Variants in CAMKMT observed in about 807,000 individuals in gnomAD.
CAMKMT encodes the protein CaM KMT.
Under a neutral mutation model 48.0 loss-of-function variants are expected in CAMKMT, and 53 were observed. The observed-to-expected ratio is 1.10, with a 90% CI of 0.89 to 1.39. CAMKMT has a LOEUF of 1.39. Among genes scored for constraint, CAMKMT ranks in the 40% most tolerant of loss-of-function variants. The probability of loss-of-function intolerance (pLI) is 0.00; values close to 1 mark genes in which losing one functional copy is unlikely to be tolerated. For synonymous variants in CAMKMT, 165 were observed against 152.3 expected (o/e 1.08, Z -0.61); for missense variants, 428 against 402.7 (o/e 1.06, Z -0.54).
intron 3 of CAMKMT, among the ~76,000 whole-genome samples, chr2:44,448,087 A>G (rs567270341): frequency 6.6e-6 from 1 of 152,276 alleles, no homozygotes; most frequent in Non-Finnish European, 1.5e-5. Context: ...AGTTTGTTGC[A>G]TCTGGTGAAT....
intron 3 of CAMKMT, among the ~76,000 whole-genome samples, chr2:44,467,530 A>G (rs192276473): frequency 1.4e-5 from 2 of 143,104 alleles, no homozygotes; most frequent in Non-Finnish European, 3.1e-5. Context: ...CAAGAGCGAA[A>G]CTCTGTCTCA....
chr2:44,568,815 G>A (rs2103727300), intron 3 of CAMKMT, among the ~76,000 whole-genome samples: 1 of 152,300 alleles, frequency 6.6e-6, no homozygotes, highest in South Asian at 2.1e-4. Flanking sequence ...TTAGAATAGG[G>A]TGTGGGTTCT....
intron 3 of CAMKMT, among the ~76,000 whole-genome samples, chr2:44,473,857 G>A (rs1365608106): frequency 6.6e-6 from 1 of 152,150 alleles, no homozygotes; most frequent in Non-Finnish European, 1.5e-5. Context: ...TTATTACTGG[G>A]ATACCCGTCA....
chr2:44,735,326 G>C (rs986754232), intron 7 of CAMKMT, among the ~76,000 whole-genome samples: 1 of 152,158 alleles, frequency 6.6e-6, no homozygotes, highest in Non-Finnish European at 1.5e-5. Flanking sequence ...TAATTGGAGC[G>C]TTCAGACCAT....
At chr2:44,406,021 A>G (rs1682754185) in intron 3 of CAMKMT, among the ~76,000 whole-genome samples, 2 of 152,204 alleles carry the variant, frequency 1.3e-5, no homozygotes, top group African/African-American at 2.4e-5. Context: ...AACAGACCAT[A>G]TTTAACTTGG....
At chr2:44,580,134 G>A (rs1669469540) in intron 3 of CAMKMT, among the ~76,000 whole-genome samples, 4 of 151,994 alleles carry the variant, frequency 2.6e-5, no homozygotes. Context: ...TTCCATTTCT[G>A]TGTTTTAAGA....
intron 3 of CAMKMT, among the ~76,000 whole-genome samples, chr2:44,669,230 C>T (rs569795204): frequency 6.6e-6 from 1 of 152,044 alleles, no homozygotes; most frequent in Non-Finnish European, 1.5e-5. Flanking sequence ...ATGTTGCTCA[C>T]CTTTAGATTT....
intron 3 of CAMKMT, among the ~76,000 whole-genome samples, chr2:44,605,215 G>C (rs1211468869): frequency 1.3e-5 from 2 of 152,154 alleles, no homozygotes; most frequent in Admixed American, 6.5e-5. Context: ...GGAAATCAAG[G>C]TTGAGAAATT....
intron 3 of CAMKMT, among the ~76,000 whole-genome samples, chr2:44,470,356 T>TA (rs1668349580): frequency 1.3e-5 from 2 of 152,210 alleles, no homozygotes; most frequent in Admixed American, 6.5e-5. Flanking sequence ...ACTTGTCCTT[T>TA]GTGAGGGCAG....
intron 3 of CAMKMT, among the ~76,000 whole-genome samples, chr2:44,509,413 G>C (rs925445495): frequency 6.6e-6 from 1 of 151,992 alleles, no homozygotes; most frequent in Non-Finnish European, 1.5e-5. Flanking sequence ...GGACTCAAGT[G>C]ATCTTCCCAC....
intron 3 of CAMKMT, among the ~76,000 whole-genome samples, chr2:44,551,430 C>T (rs1319002516): frequency 6.6e-6 from 1 of 152,148 alleles, no homozygotes; most frequent in Non-Finnish European, 1.5e-5. Flanking sequence ...GCCATTACCA[C>T]TGGGCCTTGA....
At chr2:44,521,344 T>C (rs1262202521) in intron 3 of CAMKMT, among the ~76,000 whole-genome samples, 1 of 152,106 alleles carries the variant, frequency 6.6e-6, no homozygotes, top group African/African-American at 2.4e-5. Context: ...AGTGGCACAA[T>C]CTCCACTCAC....
intron 3 of CAMKMT, among the ~76,000 whole-genome samples, chr2:44,542,043 C>T (rs1667136223): frequency 6.6e-6 from 1 of 150,746 alleles, no homozygotes. Flanking sequence ...GCAGGAGAAT[C>T]GCTTGAAACC....
Position 44,442,526 on chromosome 2 carries a change from A to C in CAMKMT, c.376+52221A>C, listed in dbSNP as rs138360333. On this transcript the variant is annotated intron_variant, in intron 3 of 10. Transcript: ENST00000378494. Reference sequence around the variant, plus strand: ...CACTAAACGTTATCTCTTGCTACTAAGCCATATTGTATTCCTCACATTCTC... The same window carrying C: ...CACTAAACGTTATCTCTTGCTACTACGCCATATTGTATTCCTCACATTCTC... 3.1e-3 allele frequency among the ~76,000 whole-genome samples: 472 copies of C among 152,258 alleles called. 2 individuals are homozygous for C. The highest frequency in any genetic ancestry group is 0.011 in the African/African-American group (456 of 41,556).
chr2:44,429,285 GT>G (rs1422959363), intron 3 of CAMKMT, among the ~76,000 whole-genome samples: 3 of 147,692 alleles, frequency 2.0e-5, no homozygotes, highest in African/African-American at 5.2e-5. Flanking sequence ...GTATGTGTGT[GT>G]GTGTGTGTGT....
chr2:44,666,801 G>C (rs585700), intron 3 of CAMKMT, among the ~76,000 whole-genome samples: 90,549 of 151,902 alleles, frequency 0.6, 27,584 homozygotes, highest in Middle Eastern at 0.69. Context: ...GTAAAGATGG[G>C]ATTTCTCCAC....
intron 10 of CAMKMT, among the ~76,000 whole-genome samples, chr2:44,766,913 G>C (rs1390359136): frequency 6.6e-6 from 1 of 152,174 alleles, no homozygotes; most frequent in Non-Finnish European, 1.5e-5. Flanking sequence ...TAAATGCTTA[G>C]CCGCACTGAA....
chr2:44,384,197 C>G (rs1008861853), intron 2 of CAMKMT, among the ~76,000 whole-genome samples: 1 of 151,980 alleles, frequency 6.6e-6, no homozygotes, highest in African/African-American at 2.4e-5. Flanking sequence ...TTGCATTGTG[C>G]TTTTGATTTG....
intron 1 of CAMKMT, among the ~76,000 whole-genome samples, chr2:44,364,875 C>G (rs1339551769): frequency 6.6e-6 from 1 of 152,156 alleles, no homozygotes; most frequent in South Asian, 2.1e-4. Flanking sequence ...GCAAGCCCAA[C>G]CACAGAGACA....
Sources: allele counts gnomAD v4.1 joint callset (sites outside exome capture counted in the v4.1 genomes callset), GRCh38; gene constraint gnomAD v4.1.1; transcripts MANE v1.5; gene names NCBI Gene and HGNC (gene_info 2026-07-23, HGNC 2026-07-21).